The following MYT1L variants were observed in gnomAD, a reference collection of about 807,000 sequenced individuals.
MYT1L encodes myelin transcription factor 1-like protein.
MYT1L carries 12 observed loss-of-function variants against 126.7 expected under a neutral mutation model. The observed-to-expected ratio is 0.09, with a 90% CI of 0.06 to 0.15. MYT1L has a LOEUF of 0.15. Ranked by LOEUF, MYT1L falls within the 10% of genes least tolerant of loss-of-function variation. MYT1L has a pLI of 1.00. For missense variants in MYT1L, 979 were observed against 1,585.2 expected (o/e 0.62, Z 6.49); for synonymous variants, 541 against 604.2 (o/e 0.90, Z 1.53).
intron 8 of MYT1L, among the ~76,000 whole-genome samples, chr2:1,951,992 T>C (rs555059567): frequency 8.3e-4 from 126 of 152,376 alleles, no homozygotes; most frequent in African/African-American, 2.8e-3. Context: ...AATTCAGTTT[T>C]AACTACATAC....
chr2:1,792,272 T>A lies in MYT1L; in HGVS notation c.3420+49A>T, dbSNP rs764099993. The A allele has an allele frequency of 7.7e-6, 12 of 1,550,088 alleles. No individual in the cohort carries two copies. In the East Asian group the frequency reaches 2.9e-4, roughly 37 times the overall value. The stretch of plus-strand genomic sequence containing the variant: ...TAAAAACGGCATCTACTTTAGGCTG[T>A]GCGCTGTGGAGGACTCCACATTCCT... On this transcript the variant is annotated intron_variant, in intron 24 of 24. Transcript: ENST00000647738.
In MYT1L at chr2:2,108,947, G is replaced by A. The variant is rs137905763; in HGVS notation, c.-303-54824C>T. Among the ~76,000 whole-genome samples, 844 of 152,304 alleles carry A rather than the reference G, an allele frequency of 5.5e-3. 9 individuals are homozygous for A. The highest frequency in any genetic ancestry group is 0.019 in the African/African-American group (778 of 41,554). Reference sequence around the variant, plus strand: ...TGTTGTCTGGCTGTGGCTGGCTGCAGCCTTCTGCTTTTCCTCCTCTCCTGT... The same window carrying A: ...TGTTGTCTGGCTGTGGCTGGCTGCAACCTTCTGCTTTTCCTCCTCTCCTGT... On this transcript the variant is annotated intron_variant, in intron 3 of 24. Transcript: ENST00000647738.
At chr2:2,217,241 C>T (rs1360211392) in intron 2 of MYT1L, among the ~76,000 whole-genome samples, 1 of 152,102 alleles carries the variant, frequency 6.6e-6, no homozygotes, top group African/African-American at 2.4e-5. Flanking sequence ...CCATAATGAA[C>T]ATAGATGAAA....
chr2:1,850,789 A>T (rs2043169007), intron 19 of MYT1L, among the ~76,000 whole-genome samples: 1 of 152,072 alleles, frequency 6.6e-6, no homozygotes, highest in Admixed American at 6.5e-5. Context: ...TCTGGCCAGA[A>T]ATCCCTTCTC....
chr2:2,322,535 C>G (rs150648006), intron 1 of MYT1L, among the ~76,000 whole-genome samples: 2 of 151,454 alleles, frequency 1.3e-5, no homozygotes, highest in Non-Finnish European at 2.9e-5. Flanking sequence ...ACAAATGTGA[C>G]GGAGAGTGGC....
chr2:1,908,621 A>G (rs950798320), intron 13 of MYT1L, among the ~76,000 whole-genome samples: 6 of 152,228 alleles, frequency 3.9e-5, no homozygotes, highest in Non-Finnish European at 7.3e-5. Flanking sequence ...CCTTTGACCA[A>G]TAACGATTCC....
intron 3 of MYT1L, among the ~76,000 whole-genome samples, chr2:2,148,134 T>G (rs2085175914): frequency 6.6e-6 from 1 of 152,130 alleles, no homozygotes. Context: ...GCATGACTTA[T>G]CTGGATATCA....
At chr2:1,966,257 G>A (rs769993039) in intron 8 of MYT1L, among the ~76,000 whole-genome samples, 15 of 152,318 alleles carry the variant, frequency 9.8e-5, no homozygotes, top group Middle Eastern at 3.4e-3. Context: ...AACAGGCATC[G>A]CTTGACTTAC....
intron 23 of MYT1L, among the ~76,000 whole-genome samples, chr2:1,794,735 C>T (rs935517182): frequency 8.5e-5 from 13 of 152,192 alleles, no homozygotes; most frequent in African/African-American, 2.9e-4. Flanking sequence ...TGTTCCTTCC[C>T]GTGCTACCCG....
At chr2:1,989,212 G>A (rs191032864) in intron 5 of MYT1L, among the ~76,000 whole-genome samples, 2 of 152,242 alleles carry the variant, frequency 1.3e-5, no homozygotes, top group East Asian at 1.9e-4. Context: ...ACTCTTCACA[G>A]TCTCCTTTAA....
intron 2 of MYT1L, among the ~76,000 whole-genome samples, chr2:2,205,193 A>G (rs1216716323): frequency 2.0e-5 from 3 of 151,830 alleles, no homozygotes; most frequent in African/African-American, 7.3e-5. Flanking sequence ...GGTGCAGCAC[A>G]CCAACATGGT....
Position 1,803,675 on chromosome 2 carries a change from C to T in MYT1L, c.3173-1876G>A, listed in dbSNP as rs78242941. On this transcript the variant is annotated intron_variant, in intron 22 of 24. Coordinates refer to ENST00000647738, the MANE Select transcript of MYT1L (RefSeq NM_001303052.2). Reference sequence around the variant, plus strand: ...CTGTCCTGGGGGACCACCCTCAGGCCCAAGTGGTCACCAACAGCCCTTTGT... The same window carrying T: ...CTGTCCTGGGGGACCACCCTCAGGCTCAAGTGGTCACCAACAGCCCTTTGT... Among the ~76,000 whole-genome samples, 1,407 of 152,274 alleles carry T rather than the reference C, an allele frequency of 9.2e-3. 23 individuals carry two copies. Among genetic ancestry groups the T allele is most frequent in the African/African-American group, 0.031 (1,287 of 41,562 alleles).
rs536353823 is a variant in MYT1L, at chr2:1,897,754, C to T, written c.2032+5326G>A. ...CTGGGATTACAGGCATAAGCCACCACGCCGGCCCAGAGCTATTTTTTGATC... is the reference window on the plus strand; with the variant it reads ...CTGGGATTACAGGCATAAGCCACCATGCCGGCCCAGAGCTATTTTTTGATC... On this transcript the variant is annotated intron_variant, in intron 14 of 24. Coordinates refer to ENST00000647738, the MANE Select transcript of MYT1L (RefSeq NM_001303052.2). Among the ~76,000 whole-genome samples the T allele has an allele frequency of 7.9e-5, 12 of 152,298 alleles. No individual in the cohort carries two copies. The South Asian group carries it at 1.0e-3, about 13-fold the overall frequency.
chr2:2,313,483 C>G (rs1489948984), intron 1 of MYT1L, among the ~76,000 whole-genome samples: 1 of 150,502 alleles, frequency 6.6e-6, no homozygotes, highest in African/African-American at 2.4e-5. Context: ...TCTGAATAGG[C>G]TTTACTTAGT....
chr2:2,173,714 T>C (rs2090369208), intron 2 of MYT1L, among the ~76,000 whole-genome samples: 1 of 152,216 alleles, frequency 6.6e-6, no homozygotes, highest in Admixed American at 6.5e-5. Flanking sequence ...GGGAAGCCAT[T>C]GTTTCTGGTG....
At chr2:1,931,996 C>T (rs191085515) in intron 9 of MYT1L, among the ~76,000 whole-genome samples, 184 of 152,290 alleles carry the variant, frequency 1.2e-3, no homozygotes, top group African/African-American at 4.2e-3. Context: ...TTTCTAAAGT[C>T]ATCTCGGTTC....
intron 2 of MYT1L, among the ~76,000 whole-genome samples, chr2:2,192,030 C>T (rs149500454): frequency 6.6e-6 from 1 of 152,368 alleles, no homozygotes; most frequent in South Asian, 2.1e-4. Context: ...CTACTGGAAC[C>T]TGGCAGAAAT....
At chr2:2,101,605 C>A (rs2078096973) in intron 3 of MYT1L, among the ~76,000 whole-genome samples, 2 of 151,792 alleles carry the variant, frequency 1.3e-5, no homozygotes, top group South Asian at 4.2e-4. Flanking sequence ...AACCACGCAC[C>A]CTTCTACCCA....
At chr2:2,130,296 C>T (rs1424001052) in intron 3 of MYT1L, among the ~76,000 whole-genome samples, 1 of 151,634 alleles carries the variant, frequency 6.6e-6, no homozygotes, top group African/African-American at 2.4e-5. Context: ...GAACACTGGC[C>T]AAAACTCCAA....
Sources: allele counts gnomAD v4.1 joint callset (sites outside exome capture counted in the v4.1 genomes callset), GRCh38; gene constraint gnomAD v4.1.1; transcripts MANE v1.5; gene names NCBI Gene and HGNC (gene_info 2026-07-23, HGNC 2026-07-21).